TNRC18: variants seen among roughly 807,000 people sequenced by gnomAD.
The protein encoded by TNRC18 is trinucleotide repeat-containing gene 18 protein.
In TNRC18, 69 loss-of-function variants were observed where a neutral mutation model predicts 226.7. That is an observed-to-expected ratio of 0.30 (90% CI 0.25 to 0.37). The LOEUF (loss-of-function observed/expected upper bound fraction) is 0.37, where lower values mean the gene tolerates loss of function less well. Ranked by LOEUF, TNRC18 falls within the 10% of genes least tolerant of loss-of-function variation. The pLI is 1.00. For missense variants in TNRC18, 4,754 were observed against 4,256.6 expected (o/e 1.12, Z -3.25); for synonymous variants, 2,449 against 1,927.6 (o/e 1.27, Z -7.09).
chr7:5,333,063 G>A lies in TNRC18; in HGVS notation c.5720-14C>T. On this transcript the variant is annotated splice_polypyrimidine_tract_variant and intron_variant, in intron 18 of 29. Coordinates refer to ENST00000430969, the MANE Select transcript of TNRC18 (RefSeq NM_001080495.3). ...CGAACTCTGTGCCTGAACGCGGGAG[G>A]AGGGCGTGCTGGTCACAGCCTCGTG... is the stretch of plus-strand genomic sequence containing the variant. The A allele has an allele frequency of 6.4e-7, 1 of 1,563,798 alleles. No individual in the cohort carries two copies.
At position 5,313,554 on chromosome 7, in the gene TNRC18, G is replaced by A. The variant is rs774710065; in HGVS notation, c.7337C>T (p.Ser2446Leu). The A allele has an allele frequency of 2.9e-5, 46 of 1,608,312 alleles. 1 individual carries two copies. The highest frequency in any genetic ancestry group is 1.9e-4 in the Middle Eastern group (1 of 5,300). The change falls in exon 27 of 30, where the codon TCG becomes TTG. Residue 2446 changes from serine to leucine, a missense_variant. By Grantham distance (145) the Ser-to-Leu change is moderately radical. Transcript: ENST00000430969. ...CGGCCTCCGAGGGCCCTTGGCACCCGACTCCTCGGCTGCCCGCGCCTTCTT... is the reference window on the plus strand; with the variant it reads ...CGGCCTCCGAGGGCCCTTGGCACCCAACTCCTCGGCTGCCCGCGCCTTCTT... ...KPKKARAAEE[S>L]GAKGPRRPGE...
intron 16 of TNRC18, among the ~76,000 whole-genome samples, chr7:5,355,145 A>C (rs1308921777): frequency 6.6e-6 from 1 of 152,062 alleles, no homozygotes; most frequent in Non-Finnish European, 1.5e-5. Flanking sequence ...CTAGCCACAA[A>C]CTTAGCACCT....
At chr7:5,332,478 T>A in intron 19 of TNRC18, 144 bp downstream of exon 19, 8 of 865,446 alleles carry the variant, frequency 9.2e-6, no homozygotes, top group Non-Finnish European at 1.3e-5. Context: ...GGCTAAGTCC[T>A]AGCAGGGGCT....
intron 2 of TNRC18, among the ~76,000 whole-genome samples, chr7:5,419,543 GCCC>G (rs1220311017): frequency 3.3e-5 from 5 of 151,752 alleles, no homozygotes; most frequent in African/African-American, 4.9e-5. Flanking sequence ...CCCCAGGGCC[GCCC>G]CCCAAGTTCT....
chr7:5,366,793 C>A (rs148605750), intron 11 of TNRC18, among the ~76,000 whole-genome samples: 82 of 152,300 alleles, frequency 5.4e-4, no homozygotes, highest in African/African-American at 1.9e-3. Flanking sequence ...CTGTTCTGTT[C>A]TCCAAGAGGG....
At position 5,369,359 on chromosome 7, in the gene TNRC18, AAAC is replaced by A. The variant is rs530835612; in HGVS notation, c.4219+1013_4219+1015del. 9.2e-5 allele frequency among the ~76,000 whole-genome samples: 14 copies of A among 152,262 alleles called. No homozygotes were observed. The East Asian group carries it at 1.9e-3, about 21-fold the overall frequency. ...GGGAGACTATGGCTCAAAAAAAGAA[AAAC>A]AACAACAACAAAGCATGAACCGCAG... On this transcript the variant is annotated intron_variant, in intron 11 of 29. Coordinates refer to ENST00000430969, the MANE Select transcript of TNRC18 (RefSeq NM_001080495.3).
intron 26 of TNRC18, among the ~76,000 whole-genome samples, 175 bp from the exon 27 acceptor site, chr7:5,314,038 G>A (rs1016854921): frequency 2.0e-5 from 3 of 152,136 alleles, no homozygotes; most frequent in African/African-American, 7.2e-5. Context: ...GCTCATTGCA[G>A]CCCTAACCTG....
At chr7:5,419,191 C>T (rs1231636962) in intron 2 of TNRC18, among the ~76,000 whole-genome samples, 2 of 152,262 alleles carry the variant, frequency 1.3e-5, no homozygotes, top group Non-Finnish European at 2.9e-5. Context: ...GGCATTAGGC[C>T]GTCTGACTGC....
chr7:5,419,716 GA>G (rs1187209296), intron 2 of TNRC18: 1 of 151,628 alleles, frequency 6.6e-6, no homozygotes, highest in African/African-American at 2.4e-5. Context: ...GGCTGGCGGG[GA>G]TCTCCGAGCT....
intron 24 of TNRC18, among the ~76,000 whole-genome samples, chr7:5,318,278 C>G (rs534421424): frequency 1.1e-4 from 16 of 152,286 alleles, no homozygotes; most frequent in Admixed American, 9.2e-4. Flanking sequence ...ATCAGGCTCC[C>G]AAATTGCTGG....
At chr7:5,397,620 GAACA>G (rs529530147) in intron 2 of TNRC18, among the ~76,000 whole-genome samples, 15 of 152,286 alleles carry the variant, frequency 9.8e-5, no homozygotes, top group Admixed American at 2.0e-4. Flanking sequence ...TCACTCTCCA[GAACA>G]AACAAACTTC....
At chr7:5,337,897 C>T (rs1790283789) in intron 18 of TNRC18, among the ~76,000 whole-genome samples, 1 of 151,984 alleles carries the variant, frequency 6.6e-6, no homozygotes, top group Non-Finnish European at 1.5e-5. Flanking sequence ...GCAGGAGAAT[C>T]GCTTGAACCC....
chr7:5,332,734 G>T lies in TNRC18; in HGVS notation c.6035C>A (p.Pro2012His), dbSNP rs10272647. The T allele has an allele frequency of 6.6e-7, 1 of 1,523,814 alleles. No homozygotes were observed. The highest frequency in any genetic ancestry group is 1.4e-5 in the African/African-American group (1 of 70,876). The allele number at this position is 1,523,814 out of a possible 1,614,324, so 94.4% of individuals were successfully genotyped here. The change falls in exon 19 of 30, where the codon CCT becomes CAT. Residue 2012 changes from proline (P) to histidine (H), a missense_variant. Physicochemically the swap from Pro to His is moderately conservative, Grantham distance 77 (BLOSUM62 -2). Transcript: ENST00000430969. Reference sequence around the variant, plus strand: ...GGCGGGCGCGGTGCTGACGGGCGCAGGTGCAGCAGCCGAGGCGTCGTGCAG... The same window carrying T: ...GGCGGGCGCGGTGCTGACGGGCGCATGTGCAGCAGCCGAGGCGTCGTGCAG... ...IFLHDASAAA[P>H]APVSTAPATK...
chr7:5,404,677 T>A (rs1781344698), intron 2 of TNRC18, among the ~76,000 whole-genome samples: 1 of 152,008 alleles, frequency 6.6e-6, no homozygotes, highest in Admixed American at 6.6e-5. Context: ...GCAGACCTAC[T>A]TACTGGGATG....
intron 16 of TNRC18, 40 bp downstream of exon 16, chr7:5,356,876 G>A (rs1434592906): frequency 2.0e-6 from 3 of 1,485,538 alleles, no homozygotes; most frequent in Admixed American, 2.4e-5. Flanking sequence ...GAAAAGGAGA[G>A]AAGCAGCGGA....
intron 27 of TNRC18, among the ~76,000 whole-genome samples, chr7:5,311,207 T>TGTGTGC (rs1787173536): frequency 6.6e-6 from 1 of 152,164 alleles, no homozygotes; most frequent in African/African-American, 2.4e-5. Flanking sequence ...CGTGTGTGTG[T>TGTGTGC]GCATGTGCCC....
chr7:5,377,707 G>T lies in TNRC18; in HGVS notation c.2256-131C>A. 1 of 1,102,034 alleles carries T rather than the reference G, an allele frequency of 9.1e-7. No homozygotes were observed. The highest frequency in any genetic ancestry group is 1.3e-6 in the Non-Finnish European group (1 of 771,484). The allele number at this position is 1,102,034 out of a possible 1,614,324, so 68.3% of individuals were successfully genotyped here. On this transcript the variant is annotated intron_variant, in intron 6 of 29. Coordinates refer to ENST00000430969, the MANE Select transcript of TNRC18 (RefSeq NM_001080495.3). The surrounding 1 kb of genome is among the most constrained non-coding windows in gnomAD (Gnocchi z 5.8). ...GGACAACCACTGCTCGGAACTGAAG[G>T]GCCTCCCGGGGCCTTCCACACTCAC...
chr7:5,353,596 C>T (rs1298426625), intron 16 of TNRC18, among the ~76,000 whole-genome samples: 1 of 151,234 alleles, frequency 6.6e-6, no homozygotes, highest in Non-Finnish European at 1.5e-5. Flanking sequence ...CAGGGCATGC[C>T]AGCGACCCCT....
rs1159957508 is a variant in TNRC18, at chr7:5,351,165, TC to T, written c.5470+653del. On this transcript the variant is annotated intron_variant, in intron 17 of 29. Transcript: ENST00000430969. Reference sequence around the variant, plus strand: ...CACAGGCAAGCGGCAGGCGGCACGGTCCCGTCCCTACTCCTTCTGGGTGGGG... The same window carrying T: ...CACAGGCAAGCGGCAGGCGGCACGGTCCGTCCCTACTCCTTCTGGGTGGGG... Among the ~76,000 whole-genome samples the T allele has an allele frequency of 6.6e-5, 10 of 151,718 alleles. No individual in the cohort carries two copies. In the South Asian group the frequency reaches 8.3e-4, roughly 13 times the overall value.
Sources: gnomAD v4.1 joint callset for allele counts (sites outside exome capture counted in the v4.1 genomes callset) on GRCh38, gnomAD v4.1.1 for gene constraint, Gnocchi (gnomAD v3.1) non-coding constraint, MANE v1.5 for transcripts, NCBI Gene and HGNC (gene_info 2026-07-23, HGNC 2026-07-21) for gene names.